Variants in IFNGR2 observed in about 807,000 individuals in gnomAD.
IFNGR2 encodes interferon gamma receptor 2.
Under a neutral mutation model 41.1 loss-of-function variants are expected in IFNGR2, and 15 were observed. That is an observed-to-expected ratio of 0.37 (90% CI 0.24 to 0.56). The LOEUF (loss-of-function observed/expected upper bound fraction) is 0.56. Among genes scored for constraint, IFNGR2 ranks in the 20% least tolerant of loss-of-function variants. The pLI is 0.81. For missense variants in IFNGR2, 362 were observed against 415.7 expected, an observed-to-expected ratio of 0.87 and a Z score of 1.12; for synonymous variants, 161 against 171.6, an observed-to-expected ratio of 0.94 and a Z score of 0.48.
Position 33,426,826 on chromosome 21 carries a change from TTATATC to T in IFNGR2, c.413-53_413-48del, listed in dbSNP as rs137854906. On this transcript the variant is annotated intron_variant, in intron 3 of 6. Transcript: ENST00000290219. ...ATATAGCATTATATAATACATTGTATTATATCTATAATACATATGTGTATGTGTGTG... is the reference window on the plus strand; with the variant it reads ...ATATAGCATTATATAATACATTGTATTATAATACATATGTGTATGTGTGTG... The T allele has an allele frequency of 7.4e-3, 9,396 of 1,262,288 alleles. 461 individuals are homozygous for T. The African/African-American group carries it at 0.12, about 15-fold the overall frequency. 78.2% of individuals were successfully genotyped at this position (1,262,288 alleles called of 1,614,324 possible).
intron 3 of IFNGR2, among the ~76,000 whole-genome samples, chr21:33,423,699 C>T (rs1305105289): frequency 2.0e-5 from 3 of 152,028 alleles, no homozygotes; most frequent in South Asian, 2.1e-4. Flanking sequence ...CCACCGTGCC[C>T]GGCCAATAAA....
At chr21:33,402,896 G>T (rs1272566146), upstream of IFNGR2, 2 of 151,702 alleles carry the variant, frequency 1.3e-5, no homozygotes, top group African/African-American at 2.4e-5. Context: ...TCAAAATGGG[G>T]TTGACTGGAG....
rs540085614 is a variant in IFNGR2, at chr21:33,428,346, C to T, written c.561+1314C>T. On this transcript the variant is annotated intron_variant, in intron 4 of 6. Transcript: ENST00000290219. Reference sequence around the variant, plus strand: ...AAGCAGTCCACCCACTTCAGCCACCCGAGTAGCTGGAACTACAGGCCTGTG... The same window carrying T: ...AAGCAGTCCACCCACTTCAGCCACCTGAGTAGCTGGAACTACAGGCCTGTG... Among the ~76,000 whole-genome samples the T allele has an allele frequency of 5.3e-5, 8 of 152,124 alleles. No individual in the cohort carries two copies. In the South Asian group the frequency reaches 8.3e-4, roughly 16 times the overall value.
chr21:33,404,748 G>T (rs191107505), intron 1 of IFNGR2, among the ~76,000 whole-genome samples: 1 of 152,198 alleles, frequency 6.6e-6, no homozygotes, highest in African/African-American at 2.4e-5. Flanking sequence ...TTTTAAAACC[G>T]GTTCTGTCCC....
chr21:33,423,500 C>G (rs955821242), intron 3 of IFNGR2, among the ~76,000 whole-genome samples: 1 of 151,762 alleles, frequency 6.6e-6, no homozygotes, highest in African/African-American at 2.4e-5. Context: ...TCAAGTGATT[C>G]TCCCTCCCGG....
intron 4 of IFNGR2, among the ~76,000 whole-genome samples, chr21:33,431,910 G>T (rs1476023871): frequency 1.3e-5 from 2 of 152,192 alleles, no homozygotes; most frequent in African/African-American, 4.8e-5. Context: ...CTAGAAATTG[G>T]GATTTACTGA....
intron 1 of IFNGR2, among the ~76,000 whole-genome samples, chr21:33,405,847 A>G (rs1046779850): frequency 2.0e-5 from 3 of 151,824 alleles, no homozygotes; most frequent in Admixed American, 1.3e-4. Context: ...GCTGGTCAAC[A>G]ATGATGAAAC....
chr21:33,434,696 G>A (rs960588957), intron 6 of IFNGR2, among the ~76,000 whole-genome samples: 4 of 152,118 alleles, frequency 2.6e-5, no homozygotes, highest in Non-Finnish European at 4.4e-5. Context: ...AAGAACCCTA[G>A]TCACTTGTTC....
At chr21:33,419,390 G>C (rs766118336) in intron 2 of IFNGR2, among the ~76,000 whole-genome samples, 1 of 152,166 alleles carries the variant, frequency 6.6e-6, no homozygotes, top group Non-Finnish European at 1.5e-5. Flanking sequence ...TTACAGGTGT[G>C]AGCCACTGCA....
intron 3 of IFNGR2, among the ~76,000 whole-genome samples, chr21:33,423,036 C>CTTTTTTTTT (rs1158807047): frequency 6.0e-5 from 7 of 117,376 alleles, no homozygotes; most frequent in African/African-American, 1.7e-4. Context: ...CTTCCCTCTA[C>CTTTTTTTTT]TTTTTTTTTT....
intron 4 of IFNGR2, among the ~76,000 whole-genome samples, 173 bp downstream of exon 4, chr21:33,427,205 A>G (rs987196801): frequency 1.3e-4 from 20 of 151,770 alleles, no homozygotes; most frequent in Non-Finnish European, 2.4e-4. Context: ...CTGTTTTTCC[A>G]CTCGGTTTGC....
chr21:33,431,816 C>A (rs1400011144), intron 4 of IFNGR2, among the ~76,000 whole-genome samples: 1 of 152,232 alleles, frequency 6.6e-6, no homozygotes, highest in Non-Finnish European at 1.5e-5. Context: ...AGGTGATCCA[C>A]CCACCCTGGC....
At chr21:33,405,345 T>C (rs113424562) in intron 1 of IFNGR2, among the ~76,000 whole-genome samples, 2,522 of 152,306 alleles carry the variant, frequency 0.017, 34 homozygotes, top group Non-Finnish European at 0.027. Flanking sequence ...ATCTCCTTGA[T>C]CTGGGGTGCC....
intron 6 of IFNGR2, among the ~76,000 whole-genome samples, chr21:33,435,127 A>T (rs2083932439): frequency 6.6e-6 from 1 of 152,170 alleles, no homozygotes; most frequent in Admixed American, 6.6e-5. Context: ...TAGACACTAG[A>T]TTCTTGGTAA....
intron 3 of IFNGR2, among the ~76,000 whole-genome samples, chr21:33,422,791 C>T (rs2083803671): frequency 1.4e-5 from 2 of 142,058 alleles, no homozygotes; most frequent in Non-Finnish European, 3.0e-5. Context: ...GTAGGAGAAT[C>T]GCTTGAACCG....
chr21:33,425,935 C>T lies in IFNGR2; in HGVS notation c.413-949C>T, dbSNP rs576694912. On this transcript the variant is annotated intron_variant, in intron 3 of 6. Coordinates refer to ENST00000290219, the MANE Select transcript of IFNGR2 (RefSeq NM_005534.4). ...TGCAGACATTGGTCTCTTAGAACTT[C>T]GAGGACCCAAACTGTACTTTGATCT... is the stretch of plus-strand genomic sequence containing the variant. Among the ~76,000 whole-genome samples, 4 of 152,316 alleles carry T rather than the reference C, an allele frequency of 2.6e-5. No individual in the cohort carries two copies. In the South Asian group the frequency reaches 6.2e-4, roughly 24 times the overall value.
intron 6 of IFNGR2, among the ~76,000 whole-genome samples, chr21:33,436,491 G>C (rs1055840415): frequency 2.6e-5 from 4 of 152,228 alleles, no homozygotes; most frequent in Non-Finnish European, 5.9e-5. Context: ...GGGAGGCCAA[G>C]GTGGGTGGAT....
At chr21:33,402,975 G>C (rs1276087079), upstream of IFNGR2, 1 of 150,582 alleles carries the variant, frequency 6.6e-6, no homozygotes, top group Admixed American at 6.6e-5. Context: ...CAAAAAAAAG[G>C]GGAGGGGGGC....
rs2083962353 is a variant in IFNGR2 at position 33,437,036 on chromosome 21, A to G, written c.*74A>G. 1.3e-6 allele frequency: 2 copies of G among 1,525,664 alleles called. 1 individual carries two copies. The highest frequency in any genetic ancestry group is 3.4e-5 in the Admixed American group (2 of 59,358). The allele number at this position is 1,525,664 out of a possible 1,614,324, so 94.5% of individuals were successfully genotyped here. The stretch of plus-strand genomic sequence containing the variant: ...TCGGAGCTGCTAGAGTTCTGTCTGG[A>G]CTTTCCAGAGACCAGTATTCCCTTT... On this transcript the variant is annotated 3_prime_UTR_variant, in exon 7 of 7. Coordinates refer to ENST00000290219, the MANE Select transcript of IFNGR2 (RefSeq NM_005534.4).
Sources: allele counts gnomAD v4.1 joint callset (sites outside exome capture counted in the v4.1 genomes callset), GRCh38; gene constraint gnomAD v4.1.1; transcripts MANE v1.5; gene names NCBI Gene and HGNC (gene_info 2026-07-23, HGNC 2026-07-21).